OSBPL5: variants seen among roughly 807,000 people sequenced by gnomAD.
OSBPL5 encodes the protein oxysterol binding protein like 5.
In OSBPL5, 71 loss-of-function variants were observed where a neutral mutation model predicts 111.2. The ratio of observed to expected loss-of-function variants is 0.64; its 90% CI spans 0.53 to 0.78. The LOEUF is 0.78. OSBPL5 is among the 30% of genes least tolerant of loss of function. The probability of loss-of-function intolerance (pLI) is 0.00; values close to 1 mark genes in which losing one functional copy is unlikely to be tolerated. For synonymous variants in OSBPL5, 549 were observed against 513.9 expected (o/e 1.07, Z -0.93); for missense variants, 1,210 against 1,189.3 (o/e 1.02, Z -0.26).
intron 7 of OSBPL5, among the ~76,000 whole-genome samples, chr11:3,112,025 ATG>A (rs80227921): frequency 0.7 from 92,514 of 132,472 alleles, 30,452 homozygotes; most frequent in East Asian, 0.82. Context: ...ATGTGTGTGC[ATG>A]TGTGTGTATG....
Position 3,087,338 on chromosome 11 carries a change from G to C in OSBPL5, c.*867C>G, listed in dbSNP as rs1361154357. The C allele has an allele frequency of 6.5e-6, 1 of 154,740 alleles. No homozygotes were observed. The highest frequency in any genetic ancestry group is 2.4e-5 in the African/African-American group (1 of 41,508). 9.6% of individuals were successfully genotyped at this position (154,740 alleles called of 1,614,324 possible). On this transcript the variant is annotated 3_prime_UTR_variant, in exon 22 of 22. Coordinates refer to ENST00000263650, the MANE Select transcript of OSBPL5 (RefSeq NM_020896.4). ...CACACGCAGAGCGGCACTGACACGG[G>C]GACTGAGGCCAGACGTGAAGGCTGA...
Position 3,102,234 on chromosome 11 carries a change from G to T in OSBPL5, c.1374C>A (p.Cys458Ter), listed in dbSNP as rs1238613686. The change falls in exon 12 of 22, where the codon TGC becomes TGA. Residue 458 changes from cysteine (C) to a stop codon, truncating the protein, a stop_gained. Transcript: ENST00000263650. LOFTEE classifies it high-confidence loss of function. Reference protein sequence around the residue: ...YNPILGETFRCCWFHPQTDSR... With the variant: ...YNPILGETFR ...TGTCAGTCTGCGGGTGGAACCAGCA[G>T]CAGCGGAAGGTCTCCCCCAGGATGG... 6.2e-7 allele frequency: 1 copy of T among 1,609,226 alleles called. No individual in the cohort carries two copies. Among genetic ancestry groups the T allele is most frequent in the South Asian group, 1.1e-5 (1 of 89,802 alleles).
chr11:3,111,968 T>TGC (rs764012991), intron 7 of OSBPL5, among the ~76,000 whole-genome samples: 3 of 120,760 alleles, frequency 2.5e-5, no homozygotes, highest in East Asian at 2.0e-4. Flanking sequence ...TGTGTGTGTG[T>TGC]GCATATGTGT....
chr11:3,115,916 T>C (rs999773804), intron 7 of OSBPL5, among the ~76,000 whole-genome samples: 1 of 150,480 alleles, frequency 6.6e-6, no homozygotes, highest in African/African-American at 2.5e-5. Context: ...TTTGTTCAAA[T>C]GAGTGAATTA....
At chr11:3,120,134 G>C in intron 6 of OSBPL5, 1 of 541,046 alleles carries the variant, frequency 1.8e-6, no homozygotes, top group South Asian at 2.2e-5. Flanking sequence ...GCTGTTCCTC[G>C]GCCACCCCTG....
At chr11:3,129,532 C>A (rs1858753173) in intron 1 of OSBPL5, among the ~76,000 whole-genome samples, 1 of 152,190 alleles carries the variant, frequency 6.6e-6, no homozygotes, top group African/African-American at 2.4e-5. Flanking sequence ...TTCCCTCCCG[C>A]ATTTCCCTCC....
intron 1 of OSBPL5, among the ~76,000 whole-genome samples, chr11:3,153,757 A>G (rs1295539962): frequency 6.6e-6 from 1 of 152,276 alleles, no homozygotes; most frequent in Non-Finnish European, 1.5e-5. Context: ...GCTGCCGGGA[A>G]GCACAGCCCC....
At chr11:3,131,853 CAAA>C (rs1193640861) in intron 1 of OSBPL5, among the ~76,000 whole-genome samples, 3 of 86,720 alleles carry the variant, frequency 3.5e-5, no homozygotes, top group African/African-American at 1.1e-4. Flanking sequence ...ATCCACCCAC[CAAA>C]CCATCCATCC....
Position 3,107,360 on chromosome 11 carries a change from C to G in OSBPL5, c.962G>C (p.Arg321Pro). Residue 321 changes from arginine to proline, a missense_variant, in exon 9 of 22, where the codon CGG becomes CCG. Transcript: ENST00000263650. The surrounding 1 kb of genome is among the most constrained non-coding windows in gnomAD (Gnocchi z 6.1). The part of the protein sequence containing the change: ...ESDTETQDHS[R>P]KTESGSDQSE... The stretch of plus-strand genomic sequence containing the variant: ...CTGGTCGCTGCCACTCTCCGTCTTC[C>G]GGCTATGGTCCTGGGTCTCGGTATC... 6.2e-7 allele frequency: 1 copy of G among 1,614,040 alleles called. No homozygotes were observed. The highest frequency in any genetic ancestry group is 8.5e-7 in the Non-Finnish European group (1 of 1,179,994).
At chr11:3,093,312 A>G in intron 17 of OSBPL5, 1 of 816,082 alleles carries the variant, frequency 1.2e-6, no homozygotes, top group South Asian at 1.8e-5. Context: ...TGATGCAGTG[A>G]GAGGTCACGG....
intron 1 of OSBPL5, among the ~76,000 whole-genome samples, chr11:3,131,383 A>T (rs1423788793): frequency 1.3e-5 from 2 of 149,206 alleles, no homozygotes; most frequent in Admixed American, 1.3e-4. Context: ...CCACCCATTC[A>T]TCCATCCATC....
In OSBPL5 at chr11:3,119,564, G is replaced by A. The variant is rs777719897; in HGVS notation, c.674C>T (p.Ala225Val). ...GGACTCACCATCTGACTCGGAGGCGGCCCTGAAGATCAGGTAGCTGCTGGG... is the reference window on the plus strand; with the variant it reads ...GGACTCACCATCTGACTCGGAGGCGACCCTGAAGATCAGGTAGCTGCTGGG... ...PLPSSYLIFR[A>V]ASESDGRCWL... is the part of the protein sequence containing the mutation. Residue 225 changes from alanine (A) to valine (V), a missense_variant, in exon 7 of 22, where the codon GCC (alanine) becomes GTC (valine). Coordinates refer to ENST00000263650, the MANE Select transcript of OSBPL5 (RefSeq NM_020896.4). The A allele has an allele frequency of 7.0e-6, 11 of 1,578,988 alleles. No homozygotes were observed. The East Asian group carries it at 2.6e-4, about 38-fold the overall frequency.
chr11:3,114,315 G>A (rs1858122597), intron 7 of OSBPL5, among the ~76,000 whole-genome samples: 1 of 152,076 alleles, frequency 6.6e-6, no homozygotes, highest in Admixed American at 6.5e-5. Context: ...AAAGCTTAAA[G>A]AGAAATAATT....
At chr11:3,116,790 G>T (rs1234839459) in intron 7 of OSBPL5, among the ~76,000 whole-genome samples, 7 of 148,060 alleles carry the variant, frequency 4.7e-5, no homozygotes, top group African/African-American at 1.8e-4. Context: ...AGGAGGTGGA[G>T]GTTGCAGTGA....
chr11:3,122,063 G>C lies in OSBPL5; in HGVS notation c.336C>G (p.Arg112=). 6.3e-7 allele frequency: 1 copy of C among 1,580,260 alleles called. No homozygotes were observed. Among genetic ancestry groups the C allele is most frequent in the Non-Finnish European group, 8.6e-7 (1 of 1,168,232 alleles). ...GAGCGCTGAGCAGCTGCCGTGTGGCGCGCTTCTTCTCCTGCCGGTAGTTCT... is the reference window on the plus strand; with the variant it reads ...GAGCGCTGAGCAGCTGCCGTGTGGCCCGCTTCTTCTCCTGCCGGTAGTTCT... ...QKENYRQEKK[R]ATRQLLSALT... The change falls in exon 5 of 22, where the codon CGC becomes CGG. Residue 112 remains arginine, a synonymous_variant. Coordinates refer to ENST00000263650, the MANE Select transcript of OSBPL5 (RefSeq NM_020896.4).
intron 1 of OSBPL5, among the ~76,000 whole-genome samples, chr11:3,133,271 C>T (rs1234287583): frequency 6.6e-6 from 1 of 152,252 alleles, no homozygotes; most frequent in East Asian, 1.9e-4. Flanking sequence ...CCAGGGAGCA[C>T]AGCCCCTGAT....
chr11:3,137,300 C>A (rs768756184), intron 1 of OSBPL5, among the ~76,000 whole-genome samples: 12 of 152,216 alleles, frequency 7.9e-5, no homozygotes, highest in Non-Finnish European at 1.6e-4. Flanking sequence ...CCTGCAGGAG[C>A]AGCAGCCTCT....
chr11:3,140,929 AC>A lies in OSBPL5; in HGVS notation c.-21-11761del, dbSNP rs1846091192. Among the ~76,000 whole-genome samples the A allele has an allele frequency of 6.6e-6, 1 of 150,646 alleles. No homozygotes were observed. The highest frequency in any genetic ancestry group is 1.5e-5 in the Non-Finnish European group (1 of 67,650). ...CAGGGGGCCCTGGGGCCAGGTGACC[AC>A]CTCAGAGCCACTCCTTCCCCGATGC... On this transcript the variant is annotated intron_variant, in intron 1 of 21. Coordinates refer to ENST00000263650, the MANE Select transcript of OSBPL5 (RefSeq NM_020896.4). The surrounding 1 kb of genome is among the most constrained non-coding windows in gnomAD (Gnocchi z 4.5).
intron 7 of OSBPL5, among the ~76,000 whole-genome samples, chr11:3,111,995 ATGTGTG>A (rs74184684): frequency 0.13 from 19,368 of 143,662 alleles, 1,701 homozygotes; most frequent in Non-Finnish European, 0.19. Context: ...ATGTGTGTGC[ATGTGTG>A]TGTGTGTGCG....
Sources: allele counts gnomAD v4.1 joint callset (sites outside exome capture counted in the v4.1 genomes callset), GRCh38; gene constraint gnomAD v4.1.1; non-coding constraint Gnocchi (gnomAD v3.1); transcripts MANE v1.5; gene names NCBI Gene and HGNC (gene_info 2026-07-23, HGNC 2026-07-21).